Variants in PDGFD observed in about 807,000 individuals in gnomAD.
The protein encoded by PDGFD is platelet derived growth factor D.
A neutral mutation model predicts 44.7 loss-of-function variants in PDGFD; 30 were observed. The observed-to-expected ratio is 0.67, with a 90% CI of 0.50 to 0.91. PDGFD has a LOEUF of 0.91. PDGFD is among the 40% of genes least tolerant of loss of function. PDGFD has a pLI of 0.00. For synonymous variants in PDGFD, 173 were observed against 168.4 expected (o/e 1.03, Z -0.21); for missense variants, 445 against 457.8 (o/e 0.97, Z 0.25).
At position 104,049,079 on chromosome 11, in the gene PDGFD, A is replaced by G. The variant is rs531180744; in HGVS notation, c.125-48824T>C. Among the ~76,000 whole-genome samples, 95 of 152,330 alleles carry G rather than the reference A, an allele frequency of 6.2e-4. 1 individual carries two copies. The South Asian group carries it at 0.019, about 31-fold the overall frequency. On this transcript the variant is annotated intron_variant, in intron 1 of 6. Coordinates refer to ENST00000393158, the MANE Select transcript of PDGFD (RefSeq NM_025208.5). Reference sequence around the variant, plus strand: ...TCCAGGACTCACGGAACTAGAATCTATGTGTTAAATCACTCTATCATATTA... The same window carrying G: ...TCCAGGACTCACGGAACTAGAATCTGTGTGTTAAATCACTCTATCATATTA...
At chr11:103,983,770 C>G (rs1859309802) in intron 3 of PDGFD, among the ~76,000 whole-genome samples, 1 of 151,798 alleles carries the variant, frequency 6.6e-6, no homozygotes, top group Non-Finnish European at 1.5e-5. Context: ...TGAACAGACA[C>G]TTTTCAAAAG....
chr11:103,912,235 T>C (rs1858039401), intron 6 of PDGFD, among the ~76,000 whole-genome samples: 1 of 152,138 alleles, frequency 6.6e-6, no homozygotes, highest in African/African-American at 2.4e-5. Flanking sequence ...GAGAGAAAGG[T>C]TGGGTTACCC....
At chr11:104,045,660 C>A in intron 1 of PDGFD, among the ~76,000 whole-genome samples, 1 of 149,266 alleles carries the variant, frequency 6.7e-6, no homozygotes. Context: ...AAAGCAAATC[C>A]TAGGTTTTGA....
intron 1 of PDGFD, among the ~76,000 whole-genome samples, chr11:104,022,753 A>G (rs1055383123): frequency 1.3e-5 from 2 of 151,972 alleles, no homozygotes; most frequent in Non-Finnish European, 2.9e-5. Flanking sequence ...ATGTGTGTGT[A>G]CATATATATG....
intron 1 of PDGFD, among the ~76,000 whole-genome samples, chr11:104,077,147 C>A (rs1860971022): frequency 1.3e-5 from 2 of 152,136 alleles, no homozygotes; most frequent in Non-Finnish European, 2.9e-5. Context: ...TCAGTGTCAC[C>A]TGCATTCTCT....
At chr11:104,036,352 G>A (rs1035040303) in intron 1 of PDGFD, among the ~76,000 whole-genome samples, 5 of 152,106 alleles carry the variant, frequency 3.3e-5, no homozygotes, top group Non-Finnish European at 5.9e-5. Context: ...GCTGAGAGAG[G>A]AGGACTGCTT....
intron 1 of PDGFD, among the ~76,000 whole-genome samples, chr11:104,113,189 A>C (rs1565338509): frequency 6.6e-6 from 1 of 152,120 alleles, no homozygotes; most frequent in Non-Finnish European, 1.5e-5. Context: ...AGAAATCTAG[A>C]AGGTACTATC....
At chr11:104,037,752 A>T in intron 1 of PDGFD, 2 of 1,614,162 alleles carry the variant, frequency 1.2e-6, no homozygotes, top group South Asian at 2.2e-5. Flanking sequence ...TTCAAATTGA[A>T]GGTGATTTCT....
intron 1 of PDGFD, among the ~76,000 whole-genome samples, chr11:104,116,414 G>A (rs1282121692): frequency 1.3e-5 from 2 of 151,834 alleles, no homozygotes; most frequent in Non-Finnish European, 2.9e-5. Flanking sequence ...CCAGTACCAC[G>A]CTGTTTTGGT....
At chr11:103,930,060 T>A (rs974211324) in intron 5 of PDGFD, among the ~76,000 whole-genome samples, 1 of 152,204 alleles carries the variant, frequency 6.6e-6, no homozygotes, top group African/African-American at 2.4e-5. Flanking sequence ...CCAGTCTACA[T>A]CATGGAATAA....
rs1268795556 is a variant in PDGFD, at chr11:104,054,492, A to G, written c.125-54237T>C. Among the ~76,000 whole-genome samples the G allele has an allele frequency of 2.6e-5, 4 of 152,338 alleles. No homozygotes were observed. The East Asian group carries it at 7.7e-4, about 29-fold the overall frequency. On this transcript the variant is annotated intron_variant, in intron 1 of 6. Transcript: ENST00000393158. ...AAAAACACATATGTGGGAAATGGGT[A>G]AGAAATGTGAAATAATGTTCAATCA...
intron 1 of PDGFD, among the ~76,000 whole-genome samples, chr11:104,013,172 GGGGAAGATTATCTTCC>G (rs1254103807): frequency 6.6e-6 from 1 of 152,152 alleles, no homozygotes; most frequent in African/African-American, 2.4e-5. Context: ...CAGAACTCCA[GGGGAAGATTATCTTCC>G]CAATCCATCT....
At chr11:103,933,689 C>T (rs565436288) in intron 5 of PDGFD, among the ~76,000 whole-genome samples, 1 of 152,320 alleles carries the variant, frequency 6.6e-6, no homozygotes, top group East Asian at 1.9e-4. Flanking sequence ...GAGATGCTTT[C>T]ACAAAATCAA....
At chr11:104,148,514 A>G (rs1055681168) in intron 1 of PDGFD, among the ~76,000 whole-genome samples, 7 of 152,182 alleles carry the variant, frequency 4.6e-5, no homozygotes, top group African/African-American at 1.7e-4. Context: ...AAAAATTTAA[A>G]AGAAATTGCA....
chr11:104,017,237 T>C (rs1030060238), intron 1 of PDGFD, among the ~76,000 whole-genome samples: 2 of 152,192 alleles, frequency 1.3e-5, no homozygotes, highest in African/African-American at 2.4e-5. Context: ...ATGTGAGAAA[T>C]AAATTTCTGT....
intron 3 of PDGFD, among the ~76,000 whole-genome samples, chr11:103,969,601 A>G (rs929241494): frequency 2.0e-5 from 3 of 147,524 alleles, no homozygotes; most frequent in Non-Finnish European, 4.5e-5. Flanking sequence ...TATCTTCTCT[A>G]TATTTTTGTC....
intron 1 of PDGFD, among the ~76,000 whole-genome samples, chr11:104,055,690 A>C (rs1262870165): frequency 6.6e-6 from 1 of 152,202 alleles, no homozygotes; most frequent in Non-Finnish European, 1.5e-5. Context: ...ATTTGTGCTG[A>C]AGTGACATAA....
At chr11:104,031,173 G>GA (rs1168844532) in intron 1 of PDGFD, among the ~76,000 whole-genome samples, 1 of 152,050 alleles carries the variant, frequency 6.6e-6, no homozygotes, top group Admixed American at 6.5e-5. Flanking sequence ...CTTCTGCACA[G>GA]AAAAATAAAC....
intron 1 of PDGFD, among the ~76,000 whole-genome samples, chr11:104,110,477 A>G (rs1190474733): frequency 1.3e-5 from 2 of 151,106 alleles, no homozygotes; most frequent in Non-Finnish European, 2.9e-5. Flanking sequence ...TTTTTACTAA[A>G]ATATATGAAA....
Sources: allele counts gnomAD v4.1 joint callset (sites outside exome capture counted in the v4.1 genomes callset), GRCh38; gene constraint gnomAD v4.1.1; transcripts MANE v1.5; gene names NCBI Gene and HGNC (gene_info 2026-07-23, HGNC 2026-07-21).